Variants in TMEM71 observed in about 807,000 individuals in gnomAD.
The protein encoded by TMEM71 is transmembrane protein 71.
Under a neutral mutation model 38.0 loss-of-function variants are expected in TMEM71, and 44 were observed. The ratio of observed to expected loss-of-function variants is 1.16; its 90% CI spans 0.91 to 1.49. The LOEUF is 1.49. TMEM71 is among the 40% of genes most tolerant of loss of function. The probability of loss-of-function intolerance (pLI) is 0.00; values close to 1 mark genes in which losing one functional copy is unlikely to be tolerated. For synonymous variants in TMEM71, 133 were observed against 122.5 expected (o/e 1.09, Z -0.56); for missense variants, 367 against 348.6 (o/e 1.05, Z -0.42).
At chr8:132,711,108 C>T in intron 9 of TMEM71, 126 bp from the exon 10 acceptor site, 16 of 822,992 alleles carry the variant, frequency 1.9e-5, no homozygotes, top group South Asian at 3.6e-5. Context: ...CCACAACGGG[C>T]CTGAATTATC....
At chr8:132,711,637 C>T (rs1826243180) in intron 9 of TMEM71, among the ~76,000 whole-genome samples, 1 of 152,184 alleles carries the variant, frequency 6.6e-6, no homozygotes, top group Non-Finnish European at 1.5e-5. Flanking sequence ...GATACCTGTG[C>T]TGACCTTCAT....
chr8:132,766,933 C>T, the TMEM71 span, among the ~76,000 whole-genome samples: 1 of 152,140 alleles, frequency 6.6e-6, no homozygotes, highest in Admixed American at 6.6e-5. Context: ...GATACAAAGA[C>T]TTCTAAAACA....
At position 132,710,707 on chromosome 8, in the gene TMEM71, T is replaced by C. The variant is rs545284660; in HGVS notation, c.*260A>G. On this transcript the variant is annotated 3_prime_UTR_variant, in exon 10 of 10. Transcript: ENST00000677595. ...TTTATTCCAGGCGGTCTCTTTTCCA[T>C]CACATTCCCCGTCCTTTTCCTTTCA... 2.6e-4 allele frequency: 146 copies of C among 553,844 alleles called. 2 individuals are homozygous for C. In the South Asian group the frequency reaches 3.5e-3, roughly 13 times the overall value. 34.3% of individuals were successfully genotyped at this position (553,844 alleles called of 1,614,324 possible). A position where few individuals can be genotyped will look rare whatever the true frequency, so the allele number is the denominator to read the frequency against.
chr8:132,746,428 CATATAT>C (rs1210510356), intron 5 of TMEM71, among the ~76,000 whole-genome samples: 1 of 16,868 alleles, frequency 5.9e-5, no homozygotes, highest in African/African-American at 1.3e-4. Context: ...CATATATATA[CATATAT>C]ATATACATAT....
At chr8:132,740,849 G>T (rs1311096553) in intron 5 of TMEM71, among the ~76,000 whole-genome samples, 6 of 152,154 alleles carry the variant, frequency 3.9e-5, no homozygotes, top group East Asian at 1.9e-4. Context: ...TGAACAGGGG[G>T]TCCTGTATTT....
intron 7 of TMEM71, among the ~76,000 whole-genome samples, chr8:132,720,695 T>C (rs1024641991): frequency 6.6e-6 from 1 of 152,198 alleles, no homozygotes; most frequent in Non-Finnish European, 1.5e-5. Flanking sequence ...TAGGACTTTG[T>C]ATTTAAAAAA....
rs778652234 is a variant in TMEM71, at chr8:132,757,283, A to T, written c.52T>A (p.Leu18Met). The change falls in exon 3 of 10, where the codon TTG becomes ATG. Residue 18 changes from leucine to methionine, a missense_variant. Coordinates refer to ENST00000677595, the MANE Select transcript of TMEM71 (RefSeq NM_001382403.1). ...MSTPVASSSR[L>M]EREYAGELSP... ...AGCTCTCCAGCATATTCTCTTTCCAACCTGGAAGAACCTGCATAAACAAAT... is the reference window on the plus strand; with the variant it reads ...AGCTCTCCAGCATATTCTCTTTCCATCCTGGAAGAACCTGCATAAACAAAT... 6.2e-7 allele frequency: 1 copy of T among 1,604,454 alleles called. No individual in the cohort carries two copies. Among genetic ancestry groups the T allele is most frequent in the Admixed American group, 1.7e-5 (1 of 58,608 alleles).
the TMEM71 span, chr8:132,775,328 G>A: frequency 1.5e-4 from 53 of 346,024 alleles, no homozygotes; most frequent in Non-Finnish European, 2.5e-4. Flanking sequence ...ACGTGACAAG[G>A]CCAGGCCCGC....
In TMEM71 at chr8:132,728,003, G is replaced by C; in HGVS notation, c.488-17C>G. 1.3e-6 allele frequency: 2 copies of C among 1,574,202 alleles called. No homozygotes were observed. The highest frequency in any genetic ancestry group is 1.7e-6 in the Non-Finnish European group (2 of 1,163,598). On this transcript the variant is annotated splice_polypyrimidine_tract_variant and intron_variant, in intron 5 of 9. Transcript: ENST00000677595. ...AATCATCTGCTGAAAAAGCAGAGGGGTTCAGTGTGAGTGTGTGTGTGTGTG... is the reference window on the plus strand; with the variant it reads ...AATCATCTGCTGAAAAAGCAGAGGGCTTCAGTGTGAGTGTGTGTGTGTGTG...
At chr8:132,718,660 G>A (rs1826672872) in intron 7 of TMEM71, among the ~76,000 whole-genome samples, 1 of 152,062 alleles carries the variant, frequency 6.6e-6, no homozygotes, top group Admixed American at 6.6e-5. Context: ...ACCTCCCAAA[G>A]TGCTGGGACT....
At chr8:132,765,495 T>C (rs993199659), upstream of TMEM71, among the ~76,000 whole-genome samples, 1 of 152,178 alleles carries the variant, frequency 6.6e-6, no homozygotes, top group African/African-American at 2.4e-5. Context: ...AAAAGGCCTA[T>C]ATGGCTTTTG....
chr8:132,754,161 T>G (rs769623162), intron 3 of TMEM71, among the ~76,000 whole-genome samples: 24 of 152,044 alleles, frequency 1.6e-4, no homozygotes, highest in Admixed American at 1.2e-3. Context: ...GACTATCACC[T>G]CCCTCATTAT....
chr8:132,744,343 A>G (rs981400266), intron 5 of TMEM71, among the ~76,000 whole-genome samples: 5 of 152,220 alleles, frequency 3.3e-5, no homozygotes, highest in African/African-American at 1.2e-4. Flanking sequence ...CAACGTACAG[A>G]AATCAGTAGT....
intron 4 of TMEM71, 84 bp downstream of exon 4, chr8:132,751,701 G>A: frequency 7.5e-7 from 1 of 1,337,856 alleles, no homozygotes; most frequent in Non-Finnish European, 1.1e-6. Context: ...CCTTATAAAA[G>A]ATAGTTGAGT....
At chr8:132,771,008 A>G in the TMEM71 span, among the ~76,000 whole-genome samples, 1 of 152,226 alleles carries the variant, frequency 6.6e-6, no homozygotes, top group African/African-American at 2.4e-5. Flanking sequence ...TGCAAGAGAC[A>G]CTAGTTAACA....
At chr8:132,746,400 CATATAT>C (rs1222340698) in intron 5 of TMEM71, among the ~76,000 whole-genome samples, 3 of 16,190 alleles carry the variant, frequency 1.9e-4, no homozygotes, top group African/African-American at 2.4e-4. Context: ...TATATATATA[CATATAT>C]ATATACACAC....
At position 132,736,650 on chromosome 8, in the gene TMEM71, T is replaced by C. The variant is rs564451830; in HGVS notation, c.488-8664A>G. Among the ~76,000 whole-genome samples the C allele has an allele frequency of 2.9e-4, 44 of 152,100 alleles. No homozygotes were observed. In the East Asian group the frequency reaches 7.6e-3, roughly 26 times the overall value. The stretch of plus-strand genomic sequence containing the variant: ...TTTGAGACCAGCCTGGCCAACATGG[T>C]GAAACCCCATCTCAACTGAAAATGC... On this transcript the variant is annotated intron_variant, in intron 5 of 9. Transcript: ENST00000677595.
chr8:132,757,697 G>A (rs765522850), intron 2 of TMEM71, among the ~76,000 whole-genome samples: 3 of 151,940 alleles, frequency 2.0e-5, no homozygotes, highest in Non-Finnish European at 4.4e-5. Context: ...GTGGTGGTGG[G>A]CGCCTGCAGT....
chr8:132,746,434 T>TATATACATATATATATACATATAC (rs1563753751), intron 5 of TMEM71, among the ~76,000 whole-genome samples: 1 of 16,522 alleles, frequency 6.1e-5, no homozygotes, highest in Non-Finnish European at 1.9e-4. Flanking sequence ...TATACATATA[T>TATATACATATATATATACATATAC]ATATACATAT....
Sources: allele counts gnomAD v4.1 joint callset (sites outside exome capture counted in the v4.1 genomes callset), GRCh38; gene constraint gnomAD v4.1.1; transcripts MANE v1.5; gene names NCBI Gene and HGNC (gene_info 2026-07-23, HGNC 2026-07-21).